Variants in DCC observed in about 807,000 individuals in gnomAD.
DCC encodes the protein netrin receptor DCC.
Under a neutral mutation model 172.5 loss-of-function variants are expected in DCC, and 58 were observed. The ratio of observed to expected loss-of-function variants is 0.34; its 90% CI spans 0.27 to 0.42. The LOEUF is 0.42. Ranked by LOEUF, DCC falls within the 10% of genes least tolerant of loss-of-function variation. The pLI is 1.00. For synonymous variants in DCC, 709 were observed against 644.5 expected (o/e 1.10, Z -1.52); for missense variants, 1,740 against 1,791.0 (o/e 0.97, Z 0.51).
intron 2 of DCC, among the ~76,000 whole-genome samples, chr18:52,879,599 T>C (rs1352795157): frequency 6.6e-6 from 1 of 151,678 alleles, no homozygotes; most frequent in Non-Finnish European, 1.5e-5. Flanking sequence ...GCCCAGGTAA[T>C]TGTTTTACTT....
At chr18:52,397,614 C>T (rs1986280255) in intron 1 of DCC, among the ~76,000 whole-genome samples, 1 of 151,886 alleles carries the variant, frequency 6.6e-6, no homozygotes, top group South Asian at 2.1e-4. Context: ...TATCAATTTC[C>T]TTGGGGATCT....
At position 53,446,642 on chromosome 18, in the gene DCC, T is replaced by C. The variant is rs372935796; in HGVS notation, c.3230-3858T>C. Among the ~76,000 whole-genome samples the C allele has an allele frequency of 5.9e-5, 9 of 152,312 alleles. No individual in the cohort carries two copies. The South Asian group carries it at 1.2e-3, about 21-fold the overall frequency. On this transcript the variant is annotated intron_variant, in intron 22 of 28. Transcript: ENST00000442544. ...TTGTGAATTTACCTGCATGCTAAAATTTATTTGTAACCCCCAAATCAATAC... is the reference window on the plus strand; with the variant it reads ...TTGTGAATTTACCTGCATGCTAAAACTTATTTGTAACCCCCAAATCAATAC...
intron 11 of DCC, among the ~76,000 whole-genome samples, chr18:53,208,617 TA>T (rs779716889): frequency 1.3e-5 from 2 of 152,194 alleles, no homozygotes; most frequent in African/African-American, 2.4e-5. Flanking sequence ...GAAAAATGTG[TA>T]TGTTGCCTAC....
At position 53,530,318 on chromosome 18, in the gene DCC, T is replaced by C. The variant is rs1310307822; in HGVS notation, c.4255-246T>C. The C allele has an allele frequency of 4.3e-6, 3 of 702,710 alleles. No individual in the cohort carries two copies. The African/African-American group carries it at 5.2e-5, about 12-fold the overall frequency. The allele number at this position is 702,710 out of a possible 1,614,324, so 43.5% of individuals were successfully genotyped here. On this transcript the variant is annotated intron_variant, in intron 28 of 28. Coordinates refer to ENST00000442544, the MANE Select transcript of DCC (RefSeq NM_005215.4). ...GAACTTGATTTGAAACCCAATCTTT[T>C]TGACTCTGAAACATCTTCCTTGTCA...
At chr18:52,477,905 G>A (rs992050884) in intron 1 of DCC, among the ~76,000 whole-genome samples, 1 of 152,008 alleles carries the variant, frequency 6.6e-6, no homozygotes, top group South Asian at 2.1e-4. Context: ...AAACTCCTGA[G>A]CTCAAGTGAT....
chr18:52,802,362 A>G (rs1273798377), intron 2 of DCC, among the ~76,000 whole-genome samples: 1 of 152,058 alleles, frequency 6.6e-6, no homozygotes, highest in Non-Finnish European at 1.5e-5. Flanking sequence ...GTGTTTTTGT[A>G]TATATACATA....
intron 15 of DCC, among the ~76,000 whole-genome samples, chr18:53,351,316 C>T (rs1024447555): frequency 0.22 from 4,285 of 19,228 alleles, 398 homozygotes; most frequent in Non-Finnish European, 0.35. Flanking sequence ...TATATATATA[C>T]ACTGTATATA....
intron 12 of DCC, among the ~76,000 whole-genome samples, chr18:53,257,924 C>T (rs1487580201): frequency 6.6e-6 from 1 of 152,144 alleles, no homozygotes; most frequent in Non-Finnish European, 1.5e-5. Flanking sequence ...TCAACTTCTT[C>T]CTGGTTTAGT....
chr18:52,423,107 T>C (rs1424686347), intron 1 of DCC, among the ~76,000 whole-genome samples: 1 of 152,132 alleles, frequency 6.6e-6, no homozygotes, highest in African/African-American at 2.4e-5. Context: ...AAAGCATAAG[T>C]GTATGGTACT....
At chr18:52,810,915 T>C (rs2038184760) in intron 2 of DCC, among the ~76,000 whole-genome samples, 2 of 152,140 alleles carry the variant, frequency 1.3e-5, no homozygotes, top group Non-Finnish European at 2.9e-5. Context: ...CTGACTCCTG[T>C]ACTCTTGAGA....
chr18:53,425,391 A>C, intron 21 of DCC, among the ~76,000 whole-genome samples: 5 of 117,482 alleles, frequency 4.3e-5, no homozygotes, highest in Admixed American at 2.1e-4. Flanking sequence ...ACAGAGTCTC[A>C]CTCTCTCACC....
At chr18:52,855,597 CTA>C (rs1483614434) in intron 2 of DCC, among the ~76,000 whole-genome samples, 1 of 152,136 alleles carries the variant, frequency 6.6e-6, no homozygotes, top group African/African-American at 2.4e-5. Flanking sequence ...ATGATCCACT[CTA>C]GCTTCAGTTT....
At chr18:52,706,661 C>T (rs139387750) in intron 1 of DCC, among the ~76,000 whole-genome samples, 13 of 152,256 alleles carry the variant, frequency 8.5e-5, no homozygotes, top group African/African-American at 2.4e-4. Context: ...CTTTTGTACA[C>T]GGATTCGTTT....
At chr18:52,519,326 A>G (rs1470744886) in intron 1 of DCC, among the ~76,000 whole-genome samples, 1 of 152,220 alleles carries the variant, frequency 6.6e-6, no homozygotes, top group African/African-American at 2.4e-5. Context: ...AGTGCAGTGC[A>G]GTTAAGATCT....
At position 53,347,239 on chromosome 18, in the gene DCC, C is replaced by A. The variant is rs1400870275; in HGVS notation, c.2359+7332C>A. On this transcript the variant is annotated intron_variant, in intron 15 of 28. Coordinates refer to ENST00000442544, the MANE Select transcript of DCC (RefSeq NM_005215.4). ...TCCATACTGCAAAATTTTCTTGGAG[C>A]AAAACAGAAAACTAATTCCAACGCT... 2.0e-5 allele frequency among the ~76,000 whole-genome samples: 3 copies of A among 152,168 alleles called. No homozygotes were observed. The East Asian group carries it at 5.8e-4, about 29-fold the overall frequency.
At chr18:52,480,697 G>A (rs2029924248) in intron 1 of DCC, among the ~76,000 whole-genome samples, 1 of 152,136 alleles carries the variant, frequency 6.6e-6, no homozygotes, top group East Asian at 1.9e-4. Flanking sequence ...GTGTCTTTGT[G>A]TTTTCTGGTT....
At chr18:53,034,556 C>T (rs1488056094) in intron 5 of DCC, among the ~76,000 whole-genome samples, 1 of 152,066 alleles carries the variant, frequency 6.6e-6, no homozygotes, top group Non-Finnish European at 1.5e-5. Flanking sequence ...GCTCAAACTA[C>T]CATTATGTCT....
intron 3 of DCC, among the ~76,000 whole-genome samples, chr18:52,913,923 A>G (rs1052464060): frequency 1.3e-5 from 2 of 152,078 alleles, no homozygotes; most frequent in African/African-American, 4.8e-5. Context: ...TTTGCCATCT[A>G]TTTATTCCTG....
Position 52,606,842 on chromosome 18 carries a change from G to A in DCC, c.92-145212G>A, listed in dbSNP as rs148434099. On this transcript the variant is annotated intron_variant, in intron 1 of 28. Coordinates refer to ENST00000442544, the MANE Select transcript of DCC (RefSeq NM_005215.4). The stretch of plus-strand genomic sequence containing the variant: ...ATTAAGTCATTAAGTCAATGGAAAT[G>A]TTTGAAAAACAAAGTTATGGCCAAT... Among the ~76,000 whole-genome samples the A allele has an allele frequency of 1.7e-3, 254 of 152,208 alleles. 1 individual carries two copies. The highest frequency in any genetic ancestry group is 5.9e-3 in the African/African-American group (246 of 41,538).
Sources: gnomAD v4.1 joint callset for allele counts (sites outside exome capture counted in the v4.1 genomes callset) on GRCh38, gnomAD v4.1.1 for gene constraint, MANE v1.5 for transcripts, NCBI Gene and HGNC (gene_info 2026-07-23, HGNC 2026-07-21) for gene names.